ATE1: variants seen among roughly 807,000 people sequenced by gnomAD.
The protein encoded by ATE1 is arginyltransferase 1, also known as arginyl-tRNA--protein transferase 1.
Under a neutral mutation model 70.5 loss-of-function variants are expected in ATE1, and 36 were observed. The ratio of observed to expected loss-of-function variants is 0.51; its 90% CI spans 0.39 to 0.67. The LOEUF (loss-of-function observed/expected upper bound fraction) is 0.67, where lower values mean the gene tolerates loss of function less well. ATE1 is among the 30% of genes least tolerant of loss of function. The probability of loss-of-function intolerance (pLI) is 0.00; values close to 1 mark genes in which losing one functional copy is unlikely to be tolerated. For missense variants in ATE1, 593 were observed against 629.5 expected (o/e 0.94, Z 0.62); for synonymous variants, 232 against 219.3 (o/e 1.06, Z -0.51).
intron 5 of ATE1, among the ~76,000 whole-genome samples, chr10:121,903,862 T>A (rs1951080787): frequency 6.6e-6 from 1 of 152,022 alleles, no homozygotes; most frequent in Non-Finnish European, 1.5e-5. Context: ...TATTATAAAC[T>A]AAATAAAAAT....
At chr10:121,826,761 C>T (rs1948035354) in intron 10 of ATE1, among the ~76,000 whole-genome samples, 1 of 152,186 alleles carries the variant, frequency 6.6e-6, no homozygotes, top group Admixed American at 6.5e-5. Context: ...CAGCCCTTGC[C>T]ACCTTCCCTC....
chr10:121,742,020 A>C lies in ATE1; in HGVS notation c.*1660T>G, dbSNP rs1667748550. 6.6e-6 allele frequency: 1 copy of C among 152,122 alleles called. No individual in the cohort carries two copies. The highest frequency in any genetic ancestry group is 1.5e-5 in the Non-Finnish European group (1 of 68,042). The allele number at this position is 152,122 out of a possible 1,614,324, so 9.4% of individuals were successfully genotyped here. A position where few individuals can be genotyped will look rare whatever the true frequency, so the allele number is the denominator to read the frequency against. ...AAAAGGCTCTATAGATTCTGAAGGCAGTTCCAAGTAAGTCTCTCAAATGCT... is the reference window on the plus strand; with the variant it reads ...AAAAGGCTCTATAGATTCTGAAGGCCGTTCCAAGTAAGTCTCTCAAATGCT... On this transcript the variant is annotated 3_prime_UTR_variant, in exon 12 of 12. Coordinates refer to ENST00000224652, the MANE Select transcript of ATE1 (RefSeq NM_001001976.3).
At chr10:121,748,091 T>C (rs1012585016) in intron 11 of ATE1, among the ~76,000 whole-genome samples, 2 of 152,234 alleles carry the variant, frequency 1.3e-5, no homozygotes, top group Non-Finnish European at 2.9e-5. Context: ...AAACCTTGAA[T>C]TTTTTAAATT....
At chr10:121,827,663 C>T (rs532636895) in intron 10 of ATE1, among the ~76,000 whole-genome samples, 1 of 152,348 alleles carries the variant, frequency 6.6e-6, no homozygotes, top group South Asian at 2.1e-4. Context: ...GACAGCACAA[C>T]ATTTGAAGAC....
intron 10 of ATE1, among the ~76,000 whole-genome samples, chr10:121,804,927 T>G (rs895909686): frequency 6.6e-6 from 1 of 151,446 alleles, no homozygotes; most frequent in Non-Finnish European, 1.5e-5. Flanking sequence ...TCACAGAGAC[T>G]ATTTATTAAG....
At chr10:121,928,254 A>AG, upstream of ATE1, 1 of 1,409,684 alleles carries the variant, frequency 7.1e-7, no homozygotes, top group South Asian at 1.4e-5. Context: ...GGGGAAGGGA[A>AG]GCGGGAGTCG....
intron 8 of ATE1, among the ~76,000 whole-genome samples, chr10:121,844,175 G>A (rs529088564): frequency 6.6e-6 from 1 of 152,356 alleles, no homozygotes; most frequent in East Asian, 1.9e-4. Flanking sequence ...CGACGTGGGA[G>A]GATCCTCTGA....
intron 8 of ATE1, among the ~76,000 whole-genome samples, chr10:121,847,576 A>G (rs931833700): frequency 2.0e-5 from 3 of 151,388 alleles, no homozygotes; most frequent in African/African-American, 7.3e-5. Flanking sequence ...TGGTCAACAC[A>G]GTGAAACCCT....
intron 11 of ATE1, among the ~76,000 whole-genome samples, chr10:121,764,644 A>T (rs1238063894): frequency 2.0e-5 from 3 of 152,238 alleles, no homozygotes; most frequent in Admixed American, 2.0e-4. Context: ...TAACATAATT[A>T]AAAAATTTAA....
At chr10:121,743,916 C>CTTTTTTTTTTTTTTTTTT (rs35850942) in intron 11 of ATE1, 58 bp from the exon 12 acceptor site, 1 of 726,638 alleles carries the variant, frequency 1.4e-6, no homozygotes, top group Non-Finnish European at 1.8e-6. Context: ...TTTTTGTTTC[C>CTTTTTTTTTTTTTTTTTT]TTTTTTTTTT....
chr10:121,847,029 G>C (rs182841056), intron 8 of ATE1, among the ~76,000 whole-genome samples: 7 of 152,230 alleles, frequency 4.6e-5, no homozygotes, highest in Admixed American at 1.3e-4. Context: ...ACCTACCTCA[G>C]AAATCAGAAG....
At chr10:121,910,437 CA>C (rs1238083457) in intron 5 of ATE1, among the ~76,000 whole-genome samples, 1 of 152,062 alleles carries the variant, frequency 6.6e-6, no homozygotes, top group East Asian at 1.9e-4. Context: ...TGATTAAAGG[CA>C]AAGTTAAACA....
intron 11 of ATE1, among the ~76,000 whole-genome samples, chr10:121,788,150 G>A (rs916152842): frequency 1.3e-5 from 2 of 152,200 alleles, no homozygotes; most frequent in Non-Finnish European, 2.9e-5. Context: ...AGGGAAGAGA[G>A]GAGAGTAGAT....
At chr10:121,907,628 G>A (rs1951250705) in intron 5 of ATE1, among the ~76,000 whole-genome samples, 1 of 151,818 alleles carries the variant, frequency 6.6e-6, no homozygotes. Context: ...CAAAAAATTA[G>A]CATGGTGGTG....
chr10:121,898,223 A>C (rs764745832), intron 7 of ATE1, among the ~76,000 whole-genome samples: 1 of 152,156 alleles, frequency 6.6e-6, no homozygotes, highest in Non-Finnish European at 1.5e-5. Flanking sequence ...CCAACTTATA[A>C]TGGTTGGACT....
In ATE1 at chr10:121,928,002, C is replaced by T. The variant is rs1340024372; in HGVS notation, c.-53G>A. On this transcript the variant is annotated 5_prime_UTR_variant, in exon 1 of 12. Coordinates refer to ENST00000224652, the MANE Select transcript of ATE1 (RefSeq NM_001001976.3). ...CCCGGCCCCGCGTCGCTAGCGCGGCCGCCGCCGCCACCCCACAATGCAGCG... is the reference window on the plus strand; with the variant it reads ...CCCGGCCCCGCGTCGCTAGCGCGGCTGCCGCCGCCACCCCACAATGCAGCG... The T allele has an allele frequency of 7.2e-7, 1 of 1,392,764 alleles. No individual in the cohort carries two copies. The highest frequency in any genetic ancestry group is 1.5e-5 in the African/African-American group (1 of 65,828). 86.3% of individuals were successfully genotyped at this position (1,392,764 alleles called of 1,614,324 possible).
chr10:121,794,336 A>T (rs1185153917), intron 10 of ATE1, among the ~76,000 whole-genome samples: 1 of 152,198 alleles, frequency 6.6e-6, no homozygotes, highest in Non-Finnish European at 1.5e-5. Context: ...AACATGAATA[A>T]GGAAACACTA....
At chr10:121,835,270 C>CT (rs1948391026) in intron 10 of ATE1, among the ~76,000 whole-genome samples, 1 of 152,074 alleles carries the variant, frequency 6.6e-6, no homozygotes, top group South Asian at 2.1e-4. Context: ...CCTTGATCAG[C>CT]TTACCTGGAC....
chr10:121,868,636 T>A (rs745770434), intron 8 of ATE1, among the ~76,000 whole-genome samples: 1 of 152,190 alleles, frequency 6.6e-6, no homozygotes, highest in Non-Finnish European at 1.5e-5. Flanking sequence ...AGTATTATTA[T>A]CTCCATTTTT....
Sources: allele counts gnomAD v4.1 joint callset (sites outside exome capture counted in the v4.1 genomes callset), GRCh38; gene constraint gnomAD v4.1.1; transcripts MANE v1.5; gene names NCBI Gene and HGNC (gene_info 2026-07-23, HGNC 2026-07-21).